Variants in LRBA observed in about 807,000 individuals in gnomAD.
LRBA encodes LPS responsive beige-like anchor protein, also known as lipopolysaccharide-responsive and beige-like anchor protein.
Under a neutral mutation model 330.0 loss-of-function variants are expected in LRBA, and 176 were observed. The observed-to-expected ratio is 0.53, with a 90% confidence interval of 0.47 to 0.60. The LOEUF (loss-of-function observed/expected upper bound fraction) is 0.60. LRBA is among the 20% of genes least tolerant of loss of function. The pLI, the probability that LRBA is intolerant of heterozygous loss-of-function variation, is 0.00. For synonymous variants in LRBA, 1,230 were observed against 1,193.0 expected (o/e 1.03, Z -0.64); for missense variants, 3,259 against 3,444.8 (o/e 0.95, Z 1.35).
intron 34 of LRBA, among the ~76,000 whole-genome samples, chr4:150,793,241 T>C (rs1325299031): frequency 6.6e-6 from 1 of 151,916 alleles, no homozygotes; most frequent in Non-Finnish European, 1.5e-5. Context: ...GGAGGTCAAA[T>C]GCAGTGGACC....
rs779908366 is a variant in LRBA at position 150,683,583 on chromosome 4, G to A, written c.5889C>T (p.Asp1963=). The stretch of plus-strand genomic sequence containing the variant: ...CAGAATTTCCCCAGGCTCCATGCTT[G>A]TCTGTGAGAATGTTGATAATTTTCT... ...LIQKIINILT[D]KHGAWGNSAV... Residue 1963 remains aspartate (D), a synonymous_variant, in exon 37 of 57, where the codon GAC becomes GAT. Transcript: ENST00000651943. 2 of 1,613,766 alleles carry A rather than the reference G, an allele frequency of 1.2e-6. No individual in the cohort carries two copies. The highest frequency in any genetic ancestry group is 2.7e-5 in the African/African-American group (2 of 74,854).
intron 40 of LRBA, among the ~76,000 whole-genome samples, chr4:150,521,421 CT>C (rs1325093336): frequency 6.6e-6 from 1 of 152,026 alleles, no homozygotes; most frequent in East Asian, 1.9e-4. Context: ...ATTATCTTTT[CT>C]TTTCACTTTT....
intron 2 of LRBA, among the ~76,000 whole-genome samples, chr4:150,979,775 G>A (rs995301394): frequency 3.3e-5 from 5 of 152,090 alleles, no homozygotes; most frequent in African/African-American, 9.7e-5. Flanking sequence ...ATTGAACCAG[G>A]AAGAAATCCA....
At chr4:150,517,717 A>G (rs1174215569) in intron 40 of LRBA, among the ~76,000 whole-genome samples, 1 of 152,194 alleles carries the variant, frequency 6.6e-6, no homozygotes, top group Non-Finnish European at 1.5e-5. Context: ...CAGGTATGAC[A>G]TTATTTCTAA....
intron 34 of LRBA, among the ~76,000 whole-genome samples, chr4:150,788,756 G>A (rs1293371297): frequency 5.4e-4 from 45 of 83,222 alleles, no homozygotes; most frequent in African/African-American, 1.6e-3. Context: ...GTGAGACTTC[G>A]TCTCCAAAAA....
intron 33 of LRBA, among the ~76,000 whole-genome samples, chr4:150,803,083 TACACAC>T (rs1553964882): frequency 7.9e-4 from 101 of 128,478 alleles, no homozygotes; most frequent in Middle Eastern, 4.0e-3. Flanking sequence ...AAAATATATA[TACACAC>T]ACACACACAC....
chr4:151,002,763 G>C (rs1159612861), intron 2 of LRBA, among the ~76,000 whole-genome samples: 1 of 151,870 alleles, frequency 6.6e-6, no homozygotes, highest in Non-Finnish European at 1.5e-5. Context: ...TATAATCCCA[G>C]CACTTTGGGA....
intron 42 of LRBA, among the ~76,000 whole-genome samples, chr4:150,472,042 T>C (rs1256707514): frequency 6.6e-6 from 1 of 152,076 alleles, no homozygotes; most frequent in Non-Finnish European, 1.5e-5. Flanking sequence ...GCTTTAATGA[T>C]ATAAAAAGAA....
chr4:151,010,805 A>T (rs920181133), intron 2 of LRBA, among the ~76,000 whole-genome samples: 3 of 151,344 alleles, frequency 2.0e-5, no homozygotes, highest in Admixed American at 6.6e-5. Context: ...AATTGCTTGA[A>T]TCCGAGCAGC....
chr4:151,009,218 A>G (rs544475338), intron 2 of LRBA, among the ~76,000 whole-genome samples: 17 of 151,132 alleles, frequency 1.1e-4, no homozygotes, highest in African/African-American at 3.9e-4. Flanking sequence ...TTTACATTCT[A>G]TTAGGTATTC....
intron 44 of LRBA, among the ~76,000 whole-genome samples, chr4:150,462,911 C>G (rs1044383348): frequency 2.2e-4 from 33 of 151,822 alleles, no homozygotes; most frequent in African/African-American, 7.2e-4. Flanking sequence ...ACAGATAGAG[C>G]TCATTTATAT....
intron 22 of LRBA, among the ~76,000 whole-genome samples, chr4:150,866,980 G>A (rs999037722): frequency 3.3e-5 from 5 of 151,810 alleles, no homozygotes; most frequent in South Asian, 2.1e-4. Context: ...GGGGTCAGGC[G>A]AAGAAGAGGA....
chr4:150,976,176 A>G (rs1319977675), intron 2 of LRBA, among the ~76,000 whole-genome samples: 2 of 2,244 alleles, frequency 8.9e-4, no homozygotes, highest in South Asian at 0.028. Flanking sequence ...CTCCGTCTTG[A>G]AAAAAAAAAA....
At position 150,574,897 on chromosome 4, in the gene LRBA, G is replaced by C. The variant is rs144308376; in HGVS notation, c.6330+13151C>G. Among the ~76,000 whole-genome samples the C allele has an allele frequency of 7.0e-3, 1,072 of 152,082 alleles. 8 individuals carry two copies. The highest frequency in any genetic ancestry group is 0.011 in the Non-Finnish European group (758 of 67,872). On this transcript the variant is annotated intron_variant, in intron 40 of 56. Transcript: ENST00000651943. ...ACATAGCTGATAGCAAAGTGAAAGG[G>C]TATGGATAGTGTCTGATCCCAGCAA...
intron 41 of LRBA, among the ~76,000 whole-genome samples, chr4:150,488,319 T>C (rs1293906346): frequency 6.6e-6 from 1 of 151,734 alleles, no homozygotes; most frequent in Non-Finnish European, 1.5e-5. Context: ...GTTACATTTA[T>C]TTCCAATCAT....
At chr4:150,800,467 C>T (rs1741444379) in intron 33 of LRBA, among the ~76,000 whole-genome samples, 1 of 152,200 alleles carries the variant, frequency 6.6e-6, no homozygotes, top group Admixed American at 6.5e-5. Flanking sequence ...AAATGTAGAA[C>T]TTACGTCACT....
intron 2 of LRBA, among the ~76,000 whole-genome samples, chr4:150,951,311 T>A (rs546170002): frequency 2.0e-5 from 3 of 152,192 alleles, no homozygotes; most frequent in African/African-American, 7.2e-5. Context: ...AGCAATTTTT[T>A]AAATCATTTT....
chr4:150,872,811 G>T, intron 17 of LRBA, 56 bp from the exon 18 acceptor site: 1 of 815,134 alleles, frequency 1.2e-6, no homozygotes, highest in Non-Finnish European at 2.0e-6. Context: ...TAAATGGAAA[G>T]GTTTAAAATA....
At chr4:150,453,240 A>G (rs1753613936) in intron 44 of LRBA, among the ~76,000 whole-genome samples, 2 of 152,204 alleles carry the variant, frequency 1.3e-5, no homozygotes, top group Admixed American at 1.3e-4. Context: ...AAAGAAAAAT[A>G]AAGCTGGAGG....
Sources: gnomAD v4.1 joint callset for allele counts (sites outside exome capture counted in the v4.1 genomes callset) on GRCh38, gnomAD v4.1.1 for gene constraint, MANE v1.5 for transcripts, NCBI Gene and HGNC (gene_info 2026-07-23, HGNC 2026-07-21) for gene names.